TSPAN5: variants seen among roughly 807,000 people sequenced by gnomAD.
TSPAN5 encodes tetraspanin 5.
TSPAN5 carries 10 observed loss-of-function variants against 37.1 expected under a neutral mutation model. That is an observed-to-expected ratio of 0.27 (90% CI 0.17 to 0.46). The LOEUF is 0.46. Among genes scored for constraint, TSPAN5 ranks in the 20% least tolerant of loss-of-function variants. The pLI is 1.00. For synonymous variants in TSPAN5, 110 were observed against 118.9 expected (o/e 0.93, Z 0.48); for missense variants, 195 against 326.6 (o/e 0.60, Z 3.11).
chr4:98,487,882 C>A (rs1006860038), intron 2 of TSPAN5, among the ~76,000 whole-genome samples: 4 of 151,892 alleles, frequency 2.6e-5, no homozygotes, highest in African/African-American at 9.7e-5. Flanking sequence ...TATTAAATAC[C>A]ACCCAGAACC....
chr4:98,479,498 A>T (rs1192027322), intron 4 of TSPAN5, among the ~76,000 whole-genome samples: 1 of 152,178 alleles, frequency 6.6e-6, no homozygotes, highest in East Asian at 1.9e-4. Flanking sequence ...CATCACCAAG[A>T]TTCCTATCCC....
intron 5 of TSPAN5, among the ~76,000 whole-genome samples, chr4:98,478,317 G>A (rs1013885712): frequency 2.6e-5 from 4 of 152,232 alleles, no homozygotes; most frequent in African/African-American, 9.6e-5. Context: ...CAAGTTGCCT[G>A]GGTCTCATAT....
At chr4:98,480,389 A>C (rs1752811603) in intron 4 of TSPAN5, among the ~76,000 whole-genome samples, 3 of 152,208 alleles carry the variant, frequency 2.0e-5, no homozygotes, top group Admixed American at 2.0e-4. Flanking sequence ...TTCAACTTTA[A>C]AAAGTCAGTC....
At chr4:98,638,120 G>A (rs960645630) in intron 1 of TSPAN5, among the ~76,000 whole-genome samples, 4 of 151,984 alleles carry the variant, frequency 2.6e-5, no homozygotes, top group African/African-American at 7.3e-5. Flanking sequence ...GTTATAATTC[G>A]TGCCCAGTGG....
At chr4:98,551,307 T>C (rs779751941) in intron 1 of TSPAN5, among the ~76,000 whole-genome samples, 1 of 152,084 alleles carries the variant, frequency 6.6e-6, no homozygotes, top group Non-Finnish European at 1.5e-5. Flanking sequence ...TTTTTACATA[T>C]ATTTTCATCA....
At chr4:98,571,656 G>T (rs1391388234) in intron 1 of TSPAN5, among the ~76,000 whole-genome samples, 2 of 152,104 alleles carry the variant, frequency 1.3e-5, no homozygotes, top group African/African-American at 4.8e-5. Flanking sequence ...TACCCATACG[G>T]TGGAAGGTTA....
At chr4:98,484,650 A>G in intron 3 of TSPAN5, 3 of 441,754 alleles carry the variant, frequency 6.8e-6, no homozygotes, top group Non-Finnish European at 1.3e-5. Context: ...AAATGAAACT[A>G]TATTAAAGTA....
intron 1 of TSPAN5, among the ~76,000 whole-genome samples, chr4:98,539,878 T>TTC (rs201071598): frequency 6.6e-6 from 1 of 151,720 alleles, no homozygotes; most frequent in African/African-American, 2.4e-5. Context: ...CTAGTGCGTG[T>TTC]TCTCTCTCTC....
In TSPAN5 at chr4:98,525,247, T is replaced by C. The variant is rs147743947; in HGVS notation, c.82-17519A>G. Reference sequence around the variant, plus strand: ...TGGTGTACAGCAGGTCTTCGAGAAATGTCATTTTGTTCAATGTCGTTTCCT... The same window carrying C: ...TGGTGTACAGCAGGTCTTCGAGAAACGTCATTTTGTTCAATGTCGTTTCCT... On this transcript the variant is annotated intron_variant, in intron 1 of 7. Transcript: ENST00000305798. Among the ~76,000 whole-genome samples, 661 of 152,324 alleles carry C rather than the reference T, an allele frequency of 4.3e-3. 4 individuals are homozygous for C. Among genetic ancestry groups the C allele is most frequent in the African/African-American group, 0.014 (596 of 41,574 alleles).
chr4:98,484,836 G>T (rs1209338571), intron 3 of TSPAN5: 1 of 289,934 alleles, frequency 3.4e-6, no homozygotes, highest in Non-Finnish European at 6.7e-6. Flanking sequence ...ATCCCAGCCA[G>T]GTATGGTGGC....
At chr4:98,495,183 T>G (rs1753173659) in intron 2 of TSPAN5, among the ~76,000 whole-genome samples, 1 of 152,144 alleles carries the variant, frequency 6.6e-6, no homozygotes, top group East Asian at 1.9e-4. Flanking sequence ...CCCCGTTAGA[T>G]CTGGCTGTTC....
intron 1 of TSPAN5, among the ~76,000 whole-genome samples, chr4:98,650,415 C>A (rs191378653): frequency 1.4e-3 from 211 of 152,120 alleles, no homozygotes; most frequent in Non-Finnish European, 2.2e-3. Flanking sequence ...AGGAGGGCAG[C>A]CCCAGGAGGA....
intron 1 of TSPAN5, among the ~76,000 whole-genome samples, chr4:98,546,507 G>A (rs935004997): frequency 6.6e-6 from 1 of 152,148 alleles, no homozygotes; most frequent in African/African-American, 2.4e-5. Flanking sequence ...TGGTATATAA[G>A]GGCAAATATT....
At chr4:98,493,048 G>C (rs1244450784) in intron 2 of TSPAN5, among the ~76,000 whole-genome samples, 1 of 152,106 alleles carries the variant, frequency 6.6e-6, no homozygotes, top group Non-Finnish European at 1.5e-5. Flanking sequence ...ACACTGGTGT[G>C]TGCCTGTAGT....
chr4:98,612,397 G>A (rs1756218318), intron 1 of TSPAN5, among the ~76,000 whole-genome samples: 1 of 152,174 alleles, frequency 6.6e-6, no homozygotes, highest in African/African-American at 2.4e-5. Flanking sequence ...AATATCAAAG[G>A]ATTTACAAGA....
intron 2 of TSPAN5, among the ~76,000 whole-genome samples, chr4:98,503,476 G>A (rs543906061): frequency 2.6e-5 from 4 of 152,140 alleles, no homozygotes; most frequent in South Asian, 2.1e-4. Flanking sequence ...CATACCTCCC[G>A]GGCTAACATG....
At chr4:98,597,700 G>C (rs1339965360) in intron 1 of TSPAN5, among the ~76,000 whole-genome samples, 1 of 17,044 alleles carries the variant, frequency 5.9e-5, no homozygotes, top group Non-Finnish European at 9.7e-5. Context: ...CCTGCCGTGT[G>C]AGGTGTCAGT....
At chr4:98,609,351 C>T (rs1210116121) in intron 1 of TSPAN5, among the ~76,000 whole-genome samples, 3 of 152,158 alleles carry the variant, frequency 2.0e-5, no homozygotes, top group Non-Finnish European at 2.9e-5. Context: ...GCACCCAACC[C>T]CGACCACTGG....
chr4:98,608,487 C>T (rs985547353), intron 1 of TSPAN5, among the ~76,000 whole-genome samples: 2 of 152,098 alleles, frequency 1.3e-5, no homozygotes, highest in African/African-American at 2.4e-5. Context: ...ATGTTCCTAA[C>T]CCCCTTATCT....
Sources: allele counts gnomAD v4.1 joint callset (sites outside exome capture counted in the v4.1 genomes callset), GRCh38; gene constraint gnomAD v4.1.1; transcripts MANE v1.5; gene names NCBI Gene and HGNC (gene_info 2026-07-23, HGNC 2026-07-21).